HOOK1: variants seen among roughly 807,000 people sequenced by gnomAD.
HOOK1 encodes the protein hook microtubule tethering protein 1.
HOOK1 carries 60 observed loss-of-function variants against 112.8 expected under a neutral mutation model. The ratio of observed to expected loss-of-function variants is 0.53; its 90% CI spans 0.43 to 0.66. The LOEUF (loss-of-function observed/expected upper bound fraction) is 0.66. Ranked by LOEUF, HOOK1 falls within the 30% of genes least tolerant of loss-of-function variation. HOOK1 has a pLI of 0.00. For synonymous variants in HOOK1, 294 were observed against 283.8 expected (o/e 1.04, Z -0.36); for missense variants, 770 against 856.0 (o/e 0.90, Z 1.25).
chr1:59,862,247 T>G (rs2098414026), intron 15 of HOOK1, among the ~76,000 whole-genome samples: 1 of 152,202 alleles, frequency 6.6e-6, no homozygotes, highest in East Asian at 1.9e-4. Context: ...TACTAACTCT[T>G]GCTAGTAACT....
At chr1:59,870,498 A>G (rs1644039661) in intron 20 of HOOK1, among the ~76,000 whole-genome samples, 1 of 152,188 alleles carries the variant, frequency 6.6e-6, no homozygotes, top group Admixed American at 6.6e-5. Flanking sequence ...AATAGTACTT[A>G]TATAAACCAA....
chr1:59,853,000 C>T (rs1456779165), intron 12 of HOOK1, among the ~76,000 whole-genome samples: 1 of 151,724 alleles, frequency 6.6e-6, no homozygotes, highest in Non-Finnish European at 1.5e-5. Flanking sequence ...ACTTTGTGTG[C>T]ATTCAGTCCT....
At chr1:59,816,922 GA>G (rs1256808613) in intron 1 of HOOK1, among the ~76,000 whole-genome samples, 1 of 152,106 alleles carries the variant, frequency 6.6e-6, no homozygotes, top group Non-Finnish European at 1.5e-5. Flanking sequence ...CCATACTTAA[GA>G]ATAACCAGAC....
chr1:59,837,066 G>A (rs1448384173), intron 7 of HOOK1, 131 bp downstream of exon 7: 1 of 561,072 alleles, frequency 1.8e-6, no homozygotes, highest in Non-Finnish European at 3.1e-6. Flanking sequence ...TTATTCTTCT[G>A]CATGATCCCA....
chr1:59,838,179 G>A (rs919606215), intron 7 of HOOK1, among the ~76,000 whole-genome samples: 1 of 152,172 alleles, frequency 6.6e-6, no homozygotes, highest in Non-Finnish European at 1.5e-5. Context: ...CTTTGTAGTA[G>A]AATGATTTAT....
rs11207530 is a variant in HOOK1 at position 59,873,104 on chromosome 1, A to G, written c.*139A>G. 19,957 of 672,598 alleles carry G rather than the reference A, an allele frequency of 0.03. 358 individuals are homozygous for G. The highest frequency in any genetic ancestry group is 0.047 in the East Asian group (1,430 of 30,236). 41.7% of individuals were successfully genotyped at this position (672,598 alleles called of 1,614,324 possible). ...ATCAGGTATTTTAAAATCAACATGC[A>G]TCAAATTAATTTTGCCAGTTGACTT... On this transcript the variant is annotated 3_prime_UTR_variant, in exon 22 of 22. Coordinates refer to ENST00000371208, the MANE Select transcript of HOOK1 (RefSeq NM_015888.6).
At chr1:59,852,812 A>C (rs915393907) in intron 12 of HOOK1, among the ~76,000 whole-genome samples, 3 of 151,374 alleles carry the variant, frequency 2.0e-5, no homozygotes, top group Non-Finnish European at 3.0e-5. Flanking sequence ...ATTTTGCTAC[A>C]TCCTGTGTTT....
intron 2 of HOOK1, among the ~76,000 whole-genome samples, chr1:59,827,234 T>G (rs892665387): frequency 6.6e-6 from 1 of 152,226 alleles, no homozygotes; most frequent in Non-Finnish European, 1.5e-5. Flanking sequence ...TCTTAAGGCC[T>G]TCAACTGATT....
At chr1:59,826,251 T>C (rs1338736342) in intron 2 of HOOK1, among the ~76,000 whole-genome samples, 5 of 152,104 alleles carry the variant, frequency 3.3e-5, no homozygotes, top group South Asian at 2.1e-4. Context: ...TTGAGTGTTA[T>C]TGAAGTTCTG....
Position 59,868,326 on chromosome 1 carries a change from AAGAG to A in HOOK1, c.1926_1929del (p.Arg643GlufsTer11), listed in dbSNP as rs1489789125. ...CTACTAAGAAAGCAGTTGGCAGAGA[AAGAG>A]AGAAGAATTGAGATTCTGGAGGTAA... is the stretch of plus-strand genomic sequence containing the variant. On this transcript the variant is annotated frameshift_variant, in exon 20 of 22. Transcript: ENST00000371208. LOFTEE classifies it high-confidence loss of function. 1.2e-6 allele frequency: 2 copies of A among 1,605,236 alleles called. No individual in the cohort carries two copies. The highest frequency in any genetic ancestry group is 1.7e-6 in the Non-Finnish European group (2 of 1,172,868).
At chr1:59,846,337 G>T (rs1346752812) in intron 9 of HOOK1, among the ~76,000 whole-genome samples, 2 of 151,600 alleles carry the variant, frequency 1.3e-5, no homozygotes, top group Non-Finnish European at 1.5e-5. Flanking sequence ...ACTCTTGCTA[G>T]AGGTTCATCA....
intron 2 of HOOK1, 131 bp from the exon 3 acceptor site, chr1:59,828,649 A>G (rs923463745): frequency 1.7e-5 from 10 of 592,608 alleles, no homozygotes; most frequent in African/African-American, 3.7e-5. Flanking sequence ...TTATTGCTAT[A>G]TAAGTAATAT....
chr1:59,817,018 C>A (rs2098382070), intron 1 of HOOK1, among the ~76,000 whole-genome samples: 1 of 152,204 alleles, frequency 6.6e-6, no homozygotes, highest in African/African-American at 2.4e-5. Context: ...CAAATGACCA[C>A]CTCCTTATCC....
chr1:59,863,296 A>G (rs1173340877), intron 16 of HOOK1, among the ~76,000 whole-genome samples: 4 of 152,196 alleles, frequency 2.6e-5, no homozygotes, highest in African/African-American at 4.8e-5. Context: ...ACCTTCTAAT[A>G]GGAAAAGAGA....
chr1:59,840,726 G>T (rs187589997), intron 8 of HOOK1, among the ~76,000 whole-genome samples: 66 of 152,146 alleles, frequency 4.3e-4, no homozygotes, highest in African/African-American at 1.4e-3. Context: ...TTAAGTAGAG[G>T]TAATTTATGG....
At position 59,828,896 on chromosome 1, in the gene HOOK1, C is replaced by G. The variant is rs375904514; in HGVS notation, c.222+44C>G. 68 of 1,457,006 alleles carry G rather than the reference C, an allele frequency of 4.7e-5. No individual in the cohort carries two copies. The African/African-American group carries it at 8.9e-4, about 19-fold the overall frequency. 90.3% of individuals were successfully genotyped at this position (1,457,006 alleles called of 1,614,324 possible). A position where few individuals can be genotyped will look rare whatever the true frequency, so the allele number is the denominator to read the frequency against. ...AGAAGCACTTGATCCAAACAGTGGTCCTAAAGTTAGCACTAAGTTAACCAA... is the reference window on the plus strand; with the variant it reads ...AGAAGCACTTGATCCAAACAGTGGTGCTAAAGTTAGCACTAAGTTAACCAA... On this transcript the variant is annotated intron_variant, in intron 3 of 21. Coordinates refer to ENST00000371208, the MANE Select transcript of HOOK1 (RefSeq NM_015888.6).
chr1:59,837,043 T>G, intron 7 of HOOK1, 108 bp downstream of exon 7: 1 of 687,818 alleles, frequency 1.5e-6, no homozygotes, highest in South Asian at 2.3e-5. Context: ...TATTTTCTTC[T>G]GTGAAATTTG....
chr1:59,840,475 T>C (rs977626639), intron 8 of HOOK1, 84 bp downstream of exon 8: 16 of 740,910 alleles, frequency 2.2e-5, no homozygotes, highest in Non-Finnish European at 3.2e-5. Flanking sequence ...GTTAGCACTA[T>C]GTTTTGTAGA....
chr1:59,861,139 G>A (rs2098413408), intron 15 of HOOK1, among the ~76,000 whole-genome samples: 1 of 152,068 alleles, frequency 6.6e-6, no homozygotes, highest in African/African-American at 2.4e-5. Flanking sequence ...TCGAACTCCT[G>A]ACCTCATGTA....
Sources: allele counts gnomAD v4.1 joint callset (sites outside exome capture counted in the v4.1 genomes callset), GRCh38; gene constraint gnomAD v4.1.1; transcripts MANE v1.5; gene names NCBI Gene and HGNC (gene_info 2026-07-23, HGNC 2026-07-21).